HCRTR2: variants seen among roughly 807,000 people sequenced by gnomAD.
The protein encoded by HCRTR2 is orexin receptor type 2.
In HCRTR2, 22 loss-of-function variants were observed where a neutral mutation model predicts 49.0. The ratio of observed to expected loss-of-function variants is 0.45; its 90% CI spans 0.32 to 0.64. The LOEUF (loss-of-function observed/expected upper bound fraction) is 0.64, where lower values mean the gene tolerates loss of function less well. Among genes scored for constraint, HCRTR2 ranks in the 30% least tolerant of loss-of-function variants. HCRTR2 has a pLI of 0.04. For missense variants in HCRTR2, 491 were observed against 559.4 expected (o/e 0.88, Z 1.23); for synonymous variants, 236 against 205.3 (o/e 1.15, Z -1.28).
At chr6:55,277,974 A>G (rs1448017589) in intron 5 of HCRTR2, among the ~76,000 whole-genome samples, 1 of 152,222 alleles carries the variant, frequency 6.6e-6, no homozygotes, top group Non-Finnish European at 1.5e-5. Flanking sequence ...TTCCAAAAAC[A>G]TAGGCAATTG....
At chr6:55,229,326 C>CT (rs1300822766) in intron 1 of HCRTR2, among the ~76,000 whole-genome samples, 1 of 152,106 alleles carries the variant, frequency 6.6e-6, no homozygotes, top group Non-Finnish European at 1.5e-5. Flanking sequence ...ACTGTGCTGG[C>CT]TTGGAATATT....
intron 1 of HCRTR2, among the ~76,000 whole-genome samples, chr6:55,114,952 C>T (rs1764096058): frequency 6.6e-6 from 1 of 151,628 alleles, no homozygotes. Flanking sequence ...CCCTTGTTTT[C>T]CAATGACACT....
downstream of HCRTR2, chr6:55,282,765 T>C: frequency 3.1e-6 from 1 of 319,200 alleles, no homozygotes; most frequent in East Asian, 7.2e-5. Context: ...CCTTGTTATT[T>C]TAATCTCTCA....
chr6:55,220,559 C>A, intron 1 of HCRTR2, among the ~76,000 whole-genome samples: 1 of 152,068 alleles, frequency 6.6e-6, no homozygotes, highest in Non-Finnish European at 1.5e-5. Flanking sequence ...TGTACCTCAA[C>A]ACAATAATAA....
At chr6:55,246,917 T>C (rs1766455770) in intron 1 of HCRTR2, among the ~76,000 whole-genome samples, 1 of 152,098 alleles carries the variant, frequency 6.6e-6, no homozygotes, top group Admixed American at 6.6e-5. Context: ...CTAGATATAA[T>C]GCATTAAGTC....
At chr6:55,129,671 T>C (rs1171711695) in intron 1 of HCRTR2, among the ~76,000 whole-genome samples, 17 of 152,064 alleles carry the variant, frequency 1.1e-4, no homozygotes, top group Admixed American at 1.1e-3. Context: ...CACTAGCATC[T>C]AGTCTGGATA....
At chr6:55,193,448 C>G (rs191605157) in intron 1 of HCRTR2, among the ~76,000 whole-genome samples, 1 of 152,034 alleles carries the variant, frequency 6.6e-6, no homozygotes. Context: ...GGAGCTAAAC[C>G]TTTGCTACCT....
At chr6:55,248,982 C>A (rs530237802) in intron 2 of HCRTR2, among the ~76,000 whole-genome samples, 165 bp downstream of exon 2, 1 of 152,044 alleles carries the variant, frequency 6.6e-6, no homozygotes, top group Non-Finnish European at 1.5e-5. Flanking sequence ...AAGTTAAGTT[C>A]TGGGTAAAAA....
chr6:55,255,095 A>G, intron 2 of HCRTR2, 41 bp from the exon 3 acceptor site: 1 of 1,610,438 alleles, frequency 6.2e-7, no homozygotes, highest in Non-Finnish European at 8.5e-7. Context: ...TTCTTTTAAC[A>G]GCTGGTGCTT....
chr6:55,199,933 T>C (rs1305183627), intron 1 of HCRTR2, among the ~76,000 whole-genome samples: 1 of 152,172 alleles, frequency 6.6e-6, no homozygotes. Context: ...AATGAATATA[T>C]TAAAGAAATC....
intron 1 of HCRTR2, among the ~76,000 whole-genome samples, chr6:55,197,041 A>G (rs1333095892): frequency 6.6e-6 from 1 of 152,160 alleles, no homozygotes; most frequent in Non-Finnish European, 1.5e-5. Context: ...CTGTACTTCA[A>G]AACTAAAACT....
At chr6:55,235,399 A>AATC (rs1245711602) in intron 1 of HCRTR2, among the ~76,000 whole-genome samples, 2 of 152,172 alleles carry the variant, frequency 1.3e-5, no homozygotes, top group African/African-American at 4.8e-5. Flanking sequence ...CACAAGAAAT[A>AATC]ATCATGTAAA....
At chr6:55,142,339 G>A (rs1018509396) in intron 1 of HCRTR2, among the ~76,000 whole-genome samples, 1 of 150,360 alleles carries the variant, frequency 6.7e-6, no homozygotes, top group Non-Finnish European at 1.5e-5. Flanking sequence ...TGGGACTACA[G>A]GCACCCGCCA....
rs538487048 is a variant in HCRTR2 at position 55,189,535 on chromosome 6, T to C, written c.223+14725T>C. ...AGTGGCTCTCCTCAGCAAACTAACA[T>C]GGGAACATAAAACTAAACACTGCAT... On this transcript the variant is annotated intron_variant, in intron 1 of 6. Coordinates refer to ENST00000370862, the MANE Select transcript of HCRTR2 (RefSeq NM_001384272.1). Among the ~76,000 whole-genome samples the C allele has an allele frequency of 2.1e-4, 32 of 152,296 alleles. No individual in the cohort carries two copies. In the South Asian group the frequency reaches 5.6e-3, roughly 27 times the overall value.
chr6:55,281,168 T>C (rs1327803546), intron 6 of HCRTR2, among the ~76,000 whole-genome samples: 1 of 152,142 alleles, frequency 6.6e-6, no homozygotes, highest in Non-Finnish European at 1.5e-5. Context: ...TATATGGTGA[T>C]TTTATGTGGA....
intron 5 of HCRTR2, among the ~76,000 whole-genome samples, chr6:55,279,873 T>C (rs1211162886): frequency 3.9e-5 from 6 of 151,966 alleles, no homozygotes; most frequent in African/African-American, 1.2e-4. Context: ...TCCAGGAAGA[T>C]TGGAGTTGAA....
intron 1 of HCRTR2, among the ~76,000 whole-genome samples, chr6:55,230,041 G>A (rs1766084745): frequency 6.6e-6 from 1 of 152,102 alleles, no homozygotes; most frequent in Non-Finnish European, 1.5e-5. Flanking sequence ...GGTCAAAATG[G>A]CTGTACCTGG....
In HCRTR2 at chr6:55,200,279, T is replaced by TGTGTG. The variant is rs1562004631; in HGVS notation, c.223+25469_223+25470insGTGTG. Among the ~76,000 whole-genome samples, 6 of 109,370 alleles carry TGTGTG rather than the reference T, an allele frequency of 5.5e-5. No individual in the cohort carries two copies. In the East Asian group the frequency reaches 1.2e-3, roughly 21 times the overall value. The allele number at this position is 109,370 out of a possible 152,430, so 71.8% of individuals were successfully genotyped here. On this transcript the variant is annotated intron_variant, in intron 1 of 6. Coordinates refer to ENST00000370862, the MANE Select transcript of HCRTR2 (RefSeq NM_001384272.1). ...TGTGTGTGTGTGTGTGTGTGTGTGT[T>TGTGTG]TTTGAAACGGAGTCTTGCTCTGTCG...
At chr6:55,205,080 A>G (rs1156963406) in intron 1 of HCRTR2, among the ~76,000 whole-genome samples, 1 of 152,122 alleles carries the variant, frequency 6.6e-6, no homozygotes, top group Non-Finnish European at 1.5e-5. Flanking sequence ...GCCTGGCCCA[A>G]CATTTTATTT....
Sources: gnomAD v4.1 joint callset for allele counts (sites outside exome capture counted in the v4.1 genomes callset) on GRCh38, gnomAD v4.1.1 for gene constraint, MANE v1.5 for transcripts, NCBI Gene and HGNC (gene_info 2026-07-23, HGNC 2026-07-21) for gene names.